Variants in ARHGAP24 observed in about 807,000 individuals in gnomAD.
ARHGAP24 encodes the protein Rho GTPase activating protein 24, also known as rho GTPase-activating protein 24.
ARHGAP24 carries 50 observed loss-of-function variants against 76.4 expected under a neutral mutation model. The observed-to-expected ratio is 0.65, with a 90% confidence interval of 0.52 to 0.83. The LOEUF (loss-of-function observed/expected upper bound fraction) is 0.83, where lower values mean the gene tolerates loss of function less well. ARHGAP24 is among the 40% of genes least tolerant of loss of function. The probability of loss-of-function intolerance (pLI) is 0.00; values close to 1 mark genes in which losing one functional copy is unlikely to be tolerated. For synonymous variants in ARHGAP24, 345 were observed against 323.3 expected (o/e 1.07, Z -0.72); for missense variants, 930 against 914.2 (o/e 1.02, Z -0.22).
At chr4:85,559,925 T>A (rs1319963569) in intron 1 of ARHGAP24, among the ~76,000 whole-genome samples, 1 of 152,220 alleles carries the variant, frequency 6.6e-6, no homozygotes, top group South Asian at 2.1e-4. Flanking sequence ...TTAAGGGATA[T>A]CTTCAGTTCT....
At chr4:85,506,193 G>A (rs1724040722) in intron 1 of ARHGAP24, among the ~76,000 whole-genome samples, 1 of 152,132 alleles carries the variant, frequency 6.6e-6, no homozygotes, top group Admixed American at 6.5e-5. Context: ...TAGGCTACAT[G>A]GGGGTCAGGG....
chr4:85,645,260 G>T (rs567528502), intron 2 of ARHGAP24, among the ~76,000 whole-genome samples: 1 of 152,026 alleles, frequency 6.6e-6, no homozygotes, highest in East Asian at 1.9e-4. Context: ...CTGGTTATTG[G>T]CACATTTAAT....
intron 2 of ARHGAP24, among the ~76,000 whole-genome samples, chr4:85,658,105 T>A (rs1401237790): frequency 6.6e-6 from 1 of 152,198 alleles, no homozygotes; most frequent in Non-Finnish European, 1.5e-5. Flanking sequence ...ATTGGTCAAT[T>A]TGTTAAGACC....
At chr4:85,681,422 A>T (rs1438599050) in intron 2 of ARHGAP24, among the ~76,000 whole-genome samples, 1 of 152,160 alleles carries the variant, frequency 6.6e-6, no homozygotes, top group Non-Finnish European at 1.5e-5. Flanking sequence ...ATTAAACATG[A>T]TGTAAGTTCA....
intron 2 of ARHGAP24, among the ~76,000 whole-genome samples, chr4:85,590,212 TC>T (rs1560543852): frequency 7.8e-6 from 1 of 128,964 alleles, no homozygotes; most frequent in East Asian, 2.9e-4. Flanking sequence ...CTTCCTTCCT[TC>T]CTTCCTTCCT....
Position 85,995,346 on chromosome 4 carries a change from C to G in ARHGAP24, c.1692C>G (p.Leu564=). ...CCACTTCCTCCTGTGAAATCTCCCT[C>G]CCTGAGAACTCCAACTCCTGTCGCT... ...TWSTSSCEIS[L]PENSNSCRSS... is the part of the protein sequence containing the mutation. The change falls in exon 9 of 10, where the codon CTC becomes CTG. Residue 564 remains leucine, a synonymous_variant. Transcript: ENST00000395184. 6.2e-7 allele frequency: 1 copy of G among 1,614,086 alleles called. No homozygotes were observed. Among genetic ancestry groups the G allele is most frequent in the Non-Finnish European group, 8.5e-7 (1 of 1,180,016 alleles).
chr4:85,568,536 G>A (rs1726941721), intron 1 of ARHGAP24, among the ~76,000 whole-genome samples: 1 of 152,176 alleles, frequency 6.6e-6, no homozygotes, highest in Non-Finnish European at 1.5e-5. Context: ...TTCAGTTAGA[G>A]TGGAGTTCTT....
chr4:85,945,330 A>G (rs968590952), intron 5 of ARHGAP24, among the ~76,000 whole-genome samples: 6 of 152,068 alleles, frequency 3.9e-5, no homozygotes, highest in East Asian at 3.9e-4. Flanking sequence ...TTTTGTTGAG[A>G]TGGAGTTTCA....
At chr4:85,755,650 T>TTTTTTTTTG (rs1726462712) in intron 3 of ARHGAP24, among the ~76,000 whole-genome samples, 3 of 144,666 alleles carry the variant, frequency 2.1e-5, no homozygotes, top group Non-Finnish European at 1.5e-5. Flanking sequence ...TGTTTTGTTT[T>TTTTTTTTTG]GAGACGGAGT....
rs142722293 is a variant in ARHGAP24, at chr4:85,804,206, T to C, written c.268+82234T>C. 9.9e-3 allele frequency among the ~76,000 whole-genome samples: 1,508 copies of C among 152,286 alleles called. 29 individuals are homozygous for C. The highest frequency in any genetic ancestry group is 0.034 in the African/African-American group (1,409 of 41,554). On this transcript the variant is annotated intron_variant, in intron 3 of 9. Transcript: ENST00000395184. ...CTCCAAAATTTTGTACAACTCATTATAATGAGCAGTATAATGAACATTGTG... is the reference window on the plus strand; with the variant it reads ...CTCCAAAATTTTGTACAACTCATTACAATGAGCAGTATAATGAACATTGTG...
At chr4:85,638,391 C>T (rs1721401021) in intron 2 of ARHGAP24, among the ~76,000 whole-genome samples, 2 of 152,096 alleles carry the variant, frequency 1.3e-5, no homozygotes, top group African/African-American at 4.8e-5. Flanking sequence ...TCTTGCTTAA[C>T]ACCTTTGGCA....
At chr4:85,689,559 T>G (rs1723554066) in intron 2 of ARHGAP24, among the ~76,000 whole-genome samples, 1 of 152,070 alleles carries the variant, frequency 6.6e-6, no homozygotes, top group Admixed American at 6.5e-5. Context: ...GCTACTTTTT[T>G]GTATTTTTTA....
chr4:85,942,747 AAGG>A (rs1444829275), intron 5 of ARHGAP24, among the ~76,000 whole-genome samples: 3 of 152,152 alleles, frequency 2.0e-5, no homozygotes, highest in Non-Finnish European at 2.9e-5. Flanking sequence ...ACAGGGAAAC[AAGG>A]AGAAGTACAG....
intron 1 of ARHGAP24, among the ~76,000 whole-genome samples, chr4:85,522,685 A>G (rs1469354689): frequency 6.6e-6 from 1 of 152,198 alleles, no homozygotes; most frequent in Non-Finnish European, 1.5e-5. Context: ...GAGCTTAAAT[A>G]ATTTACATCA....
rs752687721 is a variant in ARHGAP24, at chr4:85,972,162, G to A, written c.726G>A (p.Glu242=). The part of the protein sequence containing the change: ...LSCAKLLSKE[E]EAGVKELAKQ... ...GTGCCAAACTGCTCAGCAAGGAAGA[G>A]GAAGCAGTAAGTTGATGCATTTATT... Residue 242 remains glutamate (E), a synonymous_variant, in exon 6 of 10, where the codon GAG becomes GAA. Transcript: ENST00000395184. The A allele has an allele frequency of 6.8e-5, 110 of 1,613,398 alleles. No individual in the cohort carries two copies. The highest frequency in any genetic ancestry group is 9.2e-5 in the Non-Finnish European group (109 of 1,179,954).
intron 1 of ARHGAP24, among the ~76,000 whole-genome samples, chr4:85,543,532 G>T (rs1725791629): frequency 1.3e-5 from 2 of 152,150 alleles, no homozygotes; most frequent in African/African-American, 4.8e-5. Flanking sequence ...AGGTTATTTA[G>T]CATTCTGTGA....
chr4:85,563,306 C>T (rs1183027214), intron 1 of ARHGAP24, among the ~76,000 whole-genome samples: 1 of 152,176 alleles, frequency 6.6e-6, no homozygotes, highest in African/African-American at 2.4e-5. Context: ...GCTTAAACAA[C>T]AGAAGTTCAT....
chr4:85,736,909 A>G lies in ARHGAP24; in HGVS notation c.268+14937A>G, dbSNP rs72974994. Among the ~76,000 whole-genome samples, 1,091 of 152,292 alleles carry G rather than the reference A, an allele frequency of 7.2e-3. 16 individuals carry two copies. Among genetic ancestry groups the G allele is most frequent in the African/African-American group, 0.024 (988 of 41,556 alleles). ...AACTATCCCACTAGTCTACCATCAT[A>G]TGTGCCTAACTTGTCCTAAACTCAG... On this transcript the variant is annotated intron_variant, in intron 3 of 9. Transcript: ENST00000395184.
rs541805671 is a variant in ARHGAP24, at chr4:85,779,582, A to T, written c.268+57610A>T. ...TCCTTCTCTTTATTCATTATTTTTT[A>T]AAAAAATTCTAATAAGCCTACTTTT... is the stretch of plus-strand genomic sequence containing the variant. On this transcript the variant is annotated intron_variant, in intron 3 of 9. Coordinates refer to ENST00000395184, the MANE Select transcript of ARHGAP24 (RefSeq NM_001025616.3). 2.1e-3 allele frequency among the ~76,000 whole-genome samples: 326 copies of T among 152,166 alleles called. 3 individuals carry two copies. The Middle Eastern group carries it at 0.044, about 21-fold the overall frequency.
Sources: gnomAD v4.1 joint callset for allele counts (sites outside exome capture counted in the v4.1 genomes callset) on GRCh38, gnomAD v4.1.1 for gene constraint, MANE v1.5 for transcripts, NCBI Gene and HGNC (gene_info 2026-07-23, HGNC 2026-07-21) for gene names.